XKR9: variants seen among roughly 807,000 people sequenced by gnomAD.
XKR9 encodes the protein XK related 9.
In XKR9, 32 loss-of-function variants were observed where a neutral mutation model predicts 32.0. The observed-to-expected ratio is 1.00, with a 90% CI of 0.76 to 1.34. The LOEUF (loss-of-function observed/expected upper bound fraction) is 1.34, where lower values mean the gene tolerates loss of function less well. Ranked by LOEUF, XKR9 falls within the 40% of genes most tolerant of loss-of-function variation. XKR9 has a pLI of 0.00. For missense variants in XKR9, 546 were observed against 429.7 expected (o/e 1.27, Z -2.39); for synonymous variants, 168 against 143.4 (o/e 1.17, Z -1.22).
In XKR9 at chr8:70,714,741, T is replaced by A; in HGVS notation, c.493+7588T>A. On this transcript the variant is annotated intron_variant, in intron 4 of 4. Transcript: ENST00000408926. Reference sequence around the variant, plus strand: ...CGCGTTTGAATTGACATCTCTAGTTTATTGTTGATGTCTTATTTAGTGAAC... The same window carrying A: ...CGCGTTTGAATTGACATCTCTAGTTAATTGTTGATGTCTTATTTAGTGAAC... Among the ~76,000 whole-genome samples, 2 of 152,186 alleles carry A rather than the reference T, an allele frequency of 1.3e-5. 1 individual carries two copies. The highest frequency in any genetic ancestry group is 2.9e-5 in the Non-Finnish European group (2 of 68,020).
At chr8:70,942,132 C>G in the XKR9 span, among the ~76,000 whole-genome samples, 4 of 152,096 alleles carry the variant, frequency 2.6e-5, no homozygotes, top group Non-Finnish European at 4.4e-5. Flanking sequence ...TATATTTTCA[C>G]TTATAACTTT....
At chr8:70,720,367 G>C (rs1806236620) in intron 4 of XKR9, among the ~76,000 whole-genome samples, 1 of 152,158 alleles carries the variant, frequency 6.6e-6, no homozygotes, top group South Asian at 2.1e-4. Context: ...GGGCATCCTT[G>C]TCTTGTGCTG....
At chr8:70,808,581 T>A in the XKR9 span, among the ~76,000 whole-genome samples, 1 of 152,078 alleles carries the variant, frequency 6.6e-6, no homozygotes, top group Non-Finnish European at 1.5e-5. Context: ...ACCTGGAAAA[T>A]CAGGTCACTT....
chr8:71,043,355 T>C, the XKR9 span, among the ~76,000 whole-genome samples: 4 of 152,334 alleles, frequency 2.6e-5, no homozygotes, highest in African/African-American at 9.6e-5. Context: ...CTTGAAAATG[T>C]CCAATTCTGA....
At chr8:70,913,563 A>C in the XKR9 span, among the ~76,000 whole-genome samples, 1 of 152,194 alleles carries the variant, frequency 6.6e-6, no homozygotes. Context: ...AAAATTATTA[A>C]CTAGAAATAT....
the XKR9 span, among the ~76,000 whole-genome samples, chr8:70,920,366 C>T: frequency 2.0e-5 from 3 of 151,996 alleles, no homozygotes; most frequent in African/African-American, 7.2e-5. Context: ...AAATATAAAA[C>T]CCCTCCTTAC....
At chr8:70,806,661 G>T in the XKR9 span, among the ~76,000 whole-genome samples, 1 of 152,018 alleles carries the variant, frequency 6.6e-6, no homozygotes, top group Non-Finnish European at 1.5e-5. Flanking sequence ...CAGAAGAAAG[G>T]ATATCAGAGT....
chr8:70,837,443 A>G, the XKR9 span, among the ~76,000 whole-genome samples: 1 of 152,198 alleles, frequency 6.6e-6, no homozygotes, highest in Non-Finnish European at 1.5e-5. Context: ...TTTGACTATG[A>G]GATTATGAGT....
chr8:70,908,358 A>G, the XKR9 span, among the ~76,000 whole-genome samples: 2 of 152,310 alleles, frequency 1.3e-5, no homozygotes, highest in Admixed American at 1.3e-4. Flanking sequence ...CATCTAAATG[A>G]TCACGAAGTT....
chr8:70,783,138 G>A (rs1245772510), intron 2 of XKR9, among the ~76,000 whole-genome samples: 1 of 151,852 alleles, frequency 6.6e-6, no homozygotes, highest in African/African-American at 2.4e-5. Context: ...GGTGTGAAAT[G>A]CTACCTTCTT....
At chr8:70,783,522 C>T (rs1233750061) in intron 2 of XKR9, among the ~76,000 whole-genome samples, 3 of 152,108 alleles carry the variant, frequency 2.0e-5, no homozygotes, top group East Asian at 1.9e-4. Flanking sequence ...CTATTTAGGC[C>T]CCATGCCCAT....
chr8:70,865,000 C>G, the XKR9 span, among the ~76,000 whole-genome samples: 2 of 152,154 alleles, frequency 1.3e-5, no homozygotes, highest in African/African-American at 4.8e-5. Context: ...GTGAATAATT[C>G]TAATTAGAAA....
At chr8:70,933,975 C>T in the XKR9 span, among the ~76,000 whole-genome samples, 1 of 151,712 alleles carries the variant, frequency 6.6e-6, no homozygotes, top group Non-Finnish European at 1.5e-5. Context: ...GAAACCAAAT[C>T]TCAGAAAAGT....
intron 4 of XKR9, among the ~76,000 whole-genome samples, chr8:70,730,916 C>G (rs768049486): frequency 1.3e-5 from 2 of 152,156 alleles, no homozygotes; most frequent in African/African-American, 4.8e-5. Flanking sequence ...AAATTACTGT[C>G]CTCTGGATGG....
the XKR9 span, among the ~76,000 whole-genome samples, chr8:70,895,290 T>A: frequency 6.6e-6 from 1 of 152,142 alleles, no homozygotes; most frequent in Non-Finnish European, 1.5e-5. Flanking sequence ...TTACCAGGGT[T>A]TTTGTTATGC....
rs980894734 is a variant in XKR9 at position 70,734,022 on chromosome 8, G to T, written c.720G>T (p.Leu240Phe). The T allele has an allele frequency of 6.2e-7, 1 of 1,612,818 alleles. No homozygotes were observed. Among genetic ancestry groups the T allele is most frequent in the Non-Finnish European group, 8.5e-7 (1 of 1,179,678 alleles). ...TATTTCTGTTGTTATTTCTTTGGTT[G>T]TTAGGTATAATATGGGCATTTAAAA... ...IALFLLLFLW[L>F]LGIIWAFKNN... Residue 240 changes from leucine (L) to phenylalanine (F), a missense_variant, in exon 5 of 5, where the codon TTG becomes TTT. Physicochemically the swap from Leu to Phe is conservative, Grantham distance 22 (BLOSUM62 0). Coordinates refer to ENST00000408926, the MANE Select transcript of XKR9 (RefSeq NM_001011720.2).
At chr8:70,839,103 A>C in the XKR9 span, among the ~76,000 whole-genome samples, 6 of 152,062 alleles carry the variant, frequency 3.9e-5, no homozygotes, top group African/African-American at 1.4e-4. Context: ...AATATTCTTA[A>C]AGAGAATGAA....
At chr8:71,039,746 C>A in the XKR9 span, among the ~76,000 whole-genome samples, 3 of 152,238 alleles carry the variant, frequency 2.0e-5, no homozygotes, top group East Asian at 5.8e-4. Flanking sequence ...GGTTGACTCC[C>A]CTCATGGTTA....
the XKR9 span, among the ~76,000 whole-genome samples, chr8:70,865,179 G>A: frequency 6.6e-6 from 1 of 152,202 alleles, no homozygotes; most frequent in East Asian, 1.9e-4. Context: ...ACTTAAATGA[G>A]TGGAGAATTT....
Sources: allele counts gnomAD v4.1 joint callset (sites outside exome capture counted in the v4.1 genomes callset), GRCh38; gene constraint gnomAD v4.1.1; transcripts MANE v1.5; gene names NCBI Gene and HGNC (gene_info 2026-07-23, HGNC 2026-07-21).